The following ARHGAP24 variants were observed in gnomAD, a reference collection of about 807,000 sequenced individuals.
ARHGAP24 encodes rho GTPase-activating protein 24.
In ARHGAP24, 50 loss-of-function variants were observed where a neutral mutation model predicts 76.4. The observed-to-expected ratio is 0.65, with a 90% confidence interval of 0.52 to 0.83. The LOEUF is 0.83. ARHGAP24 is among the 40% of genes least tolerant of loss of function. The pLI, the probability that ARHGAP24 is intolerant of heterozygous loss-of-function variation, is 0.00. For missense variants in ARHGAP24, 930 were observed against 914.2 expected (o/e 1.02, Z -0.22); for synonymous variants, 345 against 323.3 (o/e 1.07, Z -0.72).
chr4:85,636,674 AT>A (rs1304205594), intron 2 of ARHGAP24, among the ~76,000 whole-genome samples: 1 of 151,984 alleles, frequency 6.6e-6, no homozygotes, highest in Admixed American at 6.6e-5. Flanking sequence ...TGCGGTGGAA[AT>A]AACACAATTT....
chr4:85,526,758 G>A (rs565864282), intron 1 of ARHGAP24, among the ~76,000 whole-genome samples: 43 of 152,074 alleles, frequency 2.8e-4, no homozygotes, highest in Admixed American at 7.2e-4. Context: ...GAATACCTGA[G>A]TGTCAATAAT....
At chr4:85,820,313 A>AG (rs1654324427) in intron 3 of ARHGAP24, among the ~76,000 whole-genome samples, 1 of 152,224 alleles carries the variant, frequency 6.6e-6, no homozygotes, top group Admixed American at 6.5e-5. Flanking sequence ...CATGAAAAAG[A>AG]GCAGGATCAC....
At chr4:85,911,759 A>G (rs548673813) in intron 3 of ARHGAP24, among the ~76,000 whole-genome samples, 1 of 152,240 alleles carries the variant, frequency 6.6e-6, no homozygotes, top group African/African-American at 2.4e-5. Context: ...GACTACAACA[A>G]TATGCTTTTA....
chr4:85,661,595 C>A (rs1226851703), intron 2 of ARHGAP24, among the ~76,000 whole-genome samples: 1 of 151,816 alleles, frequency 6.6e-6, no homozygotes, highest in Non-Finnish European at 1.5e-5. Flanking sequence ...TATACATGTG[C>A]CATGCTGGTG....
At chr4:85,981,902 A>G (rs1275461681) in intron 8 of ARHGAP24, among the ~76,000 whole-genome samples, 1 of 152,072 alleles carries the variant, frequency 6.6e-6, no homozygotes. Context: ...TTTCCAGTGA[A>G]TATCTATGGG....
At chr4:85,476,314 A>C (rs756270377) in intron 1 of ARHGAP24, among the ~76,000 whole-genome samples, 28 of 152,122 alleles carry the variant, frequency 1.8e-4, no homozygotes, top group Admixed American at 3.3e-4. Context: ...TTTCAGCATC[A>C]ACCAGTAATA....
At chr4:85,823,255 A>C (rs555370690) in intron 3 of ARHGAP24, among the ~76,000 whole-genome samples, 2 of 152,336 alleles carry the variant, frequency 1.3e-5, no homozygotes, top group African/African-American at 4.8e-5. Context: ...AGATTTTTCT[A>C]TATATTGAAT....
chr4:85,483,630 T>C (rs1463713782), intron 1 of ARHGAP24, among the ~76,000 whole-genome samples: 1 of 151,864 alleles, frequency 6.6e-6, no homozygotes, highest in Non-Finnish European at 1.5e-5. Flanking sequence ...AATAAATAAA[T>C]AAACAAACAA....
rs1226531898 is a variant in ARHGAP24 at position 85,976,800 on chromosome 4, G to A, written c.807-770G>A. ...TTCTCTTTTTTTTTTTTTTTTTTCCGAGACCGAGTTTCACTCTTGTTGCCC... is the reference window on the plus strand; with the variant it reads ...TTCTCTTTTTTTTTTTTTTTTTTCCAAGACCGAGTTTCACTCTTGTTGCCC... On this transcript the variant is annotated intron_variant, in intron 7 of 9. Transcript: ENST00000395184. 1.4e-4 allele frequency among the ~76,000 whole-genome samples: 19 copies of A among 131,872 alleles called. No individual in the cohort carries two copies. The East Asian group carries it at 3.0e-3, about 21-fold the overall frequency. The allele number at this position is 131,872 out of a possible 152,430, so 86.5% of individuals were successfully genotyped here. A position where few individuals can be genotyped will look rare whatever the true frequency, so the allele number is the denominator to read the frequency against.
intron 3 of ARHGAP24, among the ~76,000 whole-genome samples, chr4:85,878,819 A>C (rs1733081496): frequency 6.6e-6 from 1 of 152,220 alleles, no homozygotes; most frequent in Admixed American, 6.5e-5. Flanking sequence ...TTCTCCCTGC[A>C]ATATAACATT....
chr4:85,923,543 G>A (rs962811199), intron 3 of ARHGAP24, 105 bp from the exon 4 acceptor site: 15 of 1,492,022 alleles, frequency 1.0e-5, no homozygotes, highest in Non-Finnish European at 1.4e-5. Flanking sequence ...AGAACTTAGT[G>A]CGGGCTGTAT....
chr4:85,567,158 A>G (rs970302629), intron 1 of ARHGAP24, among the ~76,000 whole-genome samples: 1 of 152,192 alleles, frequency 6.6e-6, no homozygotes, highest in East Asian at 1.9e-4. Context: ...CAACATTTTC[A>G]GATGTTGAGA....
At chr4:85,818,220 C>A (rs1393401676) in intron 3 of ARHGAP24, among the ~76,000 whole-genome samples, 2 of 152,164 alleles carry the variant, frequency 1.3e-5, no homozygotes, top group Admixed American at 1.3e-4. Context: ...TTCACACTGG[C>A]TTCACCTGGT....
At chr4:85,805,765 C>G (rs981682271) in intron 3 of ARHGAP24, among the ~76,000 whole-genome samples, 1 of 152,182 alleles carries the variant, frequency 6.6e-6, no homozygotes, top group Non-Finnish European at 1.5e-5. Context: ...TCCTGCTCCA[C>G]AAAGAATGAT....
At chr4:85,658,983 G>C (rs576886825) in intron 2 of ARHGAP24, among the ~76,000 whole-genome samples, 1 of 152,328 alleles carries the variant, frequency 6.6e-6, no homozygotes, top group East Asian at 1.9e-4. Flanking sequence ...GTGACAGAGA[G>C]AGAGCCAAGT....
chr4:85,570,798 G>A, intron 2 of ARHGAP24, 77 bp downstream of exon 2: 1 of 1,512,290 alleles, frequency 6.6e-7, no homozygotes, highest in South Asian at 1.2e-5. Context: ...AACCGATTGG[G>A]ACTGAGACCA....
At chr4:85,624,155 G>A (rs995281666) in intron 2 of ARHGAP24, among the ~76,000 whole-genome samples, 4 of 152,270 alleles carry the variant, frequency 2.6e-5, no homozygotes, top group African/African-American at 9.6e-5. Context: ...GGGCATCCCT[G>A]TCTTGTGCCC....
intron 3 of ARHGAP24, among the ~76,000 whole-genome samples, chr4:85,921,157 A>G (rs1735700840): frequency 6.6e-6 from 1 of 152,254 alleles, no homozygotes; most frequent in African/African-American, 2.4e-5. Context: ...GACTGGATAA[A>G]GAAAATGTGT....
intron 3 of ARHGAP24, among the ~76,000 whole-genome samples, chr4:85,895,051 C>T (rs898828702): frequency 7.7e-6 from 1 of 130,472 alleles, no homozygotes; most frequent in Non-Finnish European, 1.6e-5. Context: ...TGGGGACTCA[C>T]GAGGGAAGAT....
Sources: gnomAD v4.1 joint callset for allele counts (sites outside exome capture counted in the v4.1 genomes callset) on GRCh38, gnomAD v4.1.1 for gene constraint, MANE v1.5 for transcripts, NCBI Gene and HGNC (gene_info 2026-07-23, HGNC 2026-07-21) for gene names.